The following HPCAL1 variants were observed in gnomAD, a reference collection of about 807,000 sequenced individuals.
HPCAL1 encodes hippocalcin like 1.
In HPCAL1, 8 loss-of-function variants were observed where a neutral mutation model predicts 17.1. That is an observed-to-expected ratio of 0.47 (90% confidence interval 0.27 to 0.84). The LOEUF (loss-of-function observed/expected upper bound fraction) is 0.84, where lower values mean the gene tolerates loss of function less well. HPCAL1 is among the 40% of genes least tolerant of loss of function. HPCAL1 has a pLI of 0.13. For missense variants in HPCAL1, 165 were observed against 271.1 expected (o/e 0.61, Z 2.75); for synonymous variants, 112 against 111.4 (o/e 1.01, Z -0.03).
At chr2:10,357,302 C>A (rs1202541256) in intron 1 of HPCAL1, among the ~76,000 whole-genome samples, 1 of 152,236 alleles carries the variant, frequency 6.6e-6, no homozygotes, top group Non-Finnish European at 1.5e-5. Context: ...CCTGGCCCAG[C>A]CCAGGTTGTC....
chr2:10,320,705 G>A (rs541393615), intron 1 of HPCAL1, among the ~76,000 whole-genome samples: 1 of 152,352 alleles, frequency 6.6e-6, no homozygotes, highest in African/African-American at 2.4e-5. Flanking sequence ...TCTCACATCA[G>A]TGGGCTCCAC....
intron 1 of HPCAL1, among the ~76,000 whole-genome samples, chr2:10,361,256 A>T (rs1025324943): frequency 1.1e-5 from 1 of 88,098 alleles, no homozygotes; most frequent in Non-Finnish European, 2.6e-5. Context: ...GAATGGGTGG[A>T]TCCCAGAGAG....
intron 1 of HPCAL1, among the ~76,000 whole-genome samples, chr2:10,321,218 A>T (rs1663648391): frequency 6.6e-6 from 1 of 152,184 alleles, no homozygotes; most frequent in African/African-American, 2.4e-5. Context: ...GCAAGGTGCC[A>T]CACACTTTTA....
chr2:10,308,080 T>C (rs1662734101), intron 1 of HPCAL1, among the ~76,000 whole-genome samples: 1 of 152,042 alleles, frequency 6.6e-6, no homozygotes, highest in Admixed American at 6.6e-5. Context: ...CGTGAAGTGC[T>C]ATGGAGGGGA....
In HPCAL1 at chr2:10,378,911, G is replaced by A. The variant is rs150508427; in HGVS notation, c.-110-17924G>A. 2.3e-3 allele frequency among the ~76,000 whole-genome samples: 344 copies of A among 152,288 alleles called. 1 individual carries two copies. The highest frequency in any genetic ancestry group is 8.0e-3 in the African/African-American group (332 of 41,566). ...GCAGACATATGGGTCCATTTCTTCT[G>A]GTCAGTATTCATTTACAGCGAGGCG... On this transcript the variant is annotated intron_variant, in intron 1 of 4. Coordinates refer to ENST00000307845, the MANE Select transcript of HPCAL1 (RefSeq NM_002149.4).
At chr2:10,339,629 G>T (rs557379753) in intron 1 of HPCAL1, among the ~76,000 whole-genome samples, 2 of 152,184 alleles carry the variant, frequency 1.3e-5, no homozygotes, top group Non-Finnish European at 2.9e-5. Context: ...GATTACAGGC[G>T]TGAGCCACCG....
rs1558473659 is a variant in HPCAL1 at position 10,344,942 on chromosome 2, T to C, written c.-111+41765T>C. ...CTCTCTCTCTGTGCCTTTCAGTCTC[T>C]TTCTGCCTCTCTCTATGTGTCCATC... is the stretch of plus-strand genomic sequence containing the variant. On this transcript the variant is annotated intron_variant, in intron 1 of 4. Transcript: ENST00000307845. This position sits in a 1 kb window ranked among gnomAD's most constrained non-coding sequence, Gnocchi z 4.9. Among the ~76,000 whole-genome samples, 1 of 152,088 alleles carries C rather than the reference T, an allele frequency of 6.6e-6. No homozygotes were observed. The highest frequency in any genetic ancestry group is 2.1e-4 in the South Asian group (1 of 4,810).
chr2:10,413,079 G>A (rs1250337598), intron 2 of HPCAL1, among the ~76,000 whole-genome samples: 2 of 152,348 alleles, frequency 1.3e-5, no homozygotes, highest in East Asian at 3.9e-4. Flanking sequence ...GACTTTGTTT[G>A]CATCAGCAGA....
rs139056821 is a variant in HPCAL1 at position 10,341,973 on chromosome 2, T to G, written c.-111+38796T>G. On this transcript the variant is annotated intron_variant, in intron 1 of 4. Transcript: ENST00000307845. ...TGCTTTGAGGCCAGCCTGGGCAACATAGTGAGACTCTGTCTCTAGATAAAG... is the reference window on the plus strand; with the variant it reads ...TGCTTTGAGGCCAGCCTGGGCAACAGAGTGAGACTCTGTCTCTAGATAAAG... Among the ~76,000 whole-genome samples, 4 of 151,828 alleles carry G rather than the reference T, an allele frequency of 2.6e-5. No homozygotes were observed. In the South Asian group the frequency reaches 6.3e-4, roughly 24 times the overall value.
intron 1 of HPCAL1, among the ~76,000 whole-genome samples, chr2:10,341,911 A>C (rs1330398382): frequency 6.6e-6 from 1 of 151,968 alleles, no homozygotes; most frequent in Non-Finnish European, 1.5e-5. Flanking sequence ...TAATCCCAGC[A>C]CTTTAGGAGG....
At chr2:10,421,876 A>C (rs953623552) in intron 3 of HPCAL1, among the ~76,000 whole-genome samples, 49 of 152,130 alleles carry the variant, frequency 3.2e-4, no homozygotes, top group African/African-American at 1.0e-3. Flanking sequence ...TGGTTTTCAC[A>C]CTGTCAGAGT....
intron 1 of HPCAL1, among the ~76,000 whole-genome samples, chr2:10,317,773 G>T (rs962346003): frequency 1.3e-5 from 2 of 152,222 alleles, no homozygotes; most frequent in African/African-American, 2.4e-5. Flanking sequence ...GGGGATGCAA[G>T]ATAGAGCAAG....
intron 2 of HPCAL1, among the ~76,000 whole-genome samples, chr2:10,398,726 C>A (rs1669226245): frequency 6.6e-6 from 1 of 152,188 alleles, no homozygotes; most frequent in South Asian, 2.1e-4. Context: ...GTGGGTTTTC[C>A]TGCCTTCCTC....
intron 1 of HPCAL1, among the ~76,000 whole-genome samples, chr2:10,339,184 G>A (rs1398290035): frequency 4.6e-5 from 7 of 152,086 alleles, no homozygotes; most frequent in Non-Finnish European, 7.4e-5. Context: ...ATAGGGTCTC[G>A]CTGTGTCACC....
chr2:10,419,902 A>T lies in HPCAL1; in HGVS notation c.145A>T (p.Lys49Ter). Residue 49 changes from lysine to a stop codon, truncating the protein, a stop_gained, in exon 3 of 5, where the codon AAG (lysine) becomes TAG (stop). Coordinates refer to ENST00000307845, the MANE Select transcript of HPCAL1 (RefSeq NM_002149.4). LOFTEE classifies it high-confidence loss of function. This position sits in a 1 kb window ranked among gnomAD's most constrained non-coding sequence, Gnocchi z 5.0. ...CGGCCACCTGACCGTGGACGAGTTCAAGAAGATCTACGCCAACTTCTTCCC... is the reference window on the plus strand; with the variant it reads ...CGGCCACCTGACCGTGGACGAGTTCTAGAAGATCTACGCCAACTTCTTCCC... ...PTGHLTVDEF[K>*]KIYANFFPYG... is the part of the protein sequence containing the mutation. The T allele has an allele frequency of 6.2e-7, 1 of 1,613,892 alleles. No individual in the cohort carries two copies. The highest frequency in any genetic ancestry group is 8.5e-7 in the Non-Finnish European group (1 of 1,180,012).
intron 2 of HPCAL1, among the ~76,000 whole-genome samples, chr2:10,411,077 T>G (rs189060519): frequency 1.1e-3 from 172 of 152,220 alleles, no homozygotes; most frequent in African/African-American, 4.0e-3. Flanking sequence ...ACTGGGAGTG[T>G]GTGTGTGGCC....
intron 1 of HPCAL1, among the ~76,000 whole-genome samples, chr2:10,358,317 TG>T (rs1666307795): frequency 6.6e-6 from 1 of 152,236 alleles, no homozygotes. Context: ...AGTCTCACTA[TG>T]TTGTCCAGAC....
intron 1 of HPCAL1, among the ~76,000 whole-genome samples, chr2:10,375,549 ATGT>A (rs1262635527): frequency 6.6e-6 from 1 of 152,246 alleles, no homozygotes; most frequent in Non-Finnish European, 1.5e-5. Context: ...AATTACGGTG[ATGT>A]TGTTTGCAGT....
intron 1 of HPCAL1, 82 bp from the exon 2 acceptor site, chr2:10,396,752 AC>A (rs1174813723): frequency 6.6e-6 from 1 of 152,334 alleles, no homozygotes; most frequent in African/African-American, 2.4e-5. Context: ...CCCAGCAGGC[AC>A]CACAGAAGCA....
Sources: allele counts gnomAD v4.1 joint callset (sites outside exome capture counted in the v4.1 genomes callset), GRCh38; gene constraint gnomAD v4.1.1; non-coding constraint Gnocchi (gnomAD v3.1); transcripts MANE v1.5; gene names NCBI Gene and HGNC (gene_info 2026-07-23, HGNC 2026-07-21).